Variants in SLC6A11 observed in about 807,000 individuals in gnomAD.
SLC6A11 encodes the protein solute carrier family 6 member 11.
In SLC6A11, 25 loss-of-function variants were observed where a neutral mutation model predicts 74.8. That is an observed-to-expected ratio of 0.33 (90% confidence interval 0.24 to 0.47). SLC6A11 has a LOEUF of 0.47. SLC6A11 is among the 20% of genes least tolerant of loss of function. The probability of loss-of-function intolerance (pLI) is 1.00; values close to 1 mark genes in which losing one functional copy is unlikely to be tolerated. For synonymous variants in SLC6A11, 330 were observed against 330.2 expected, an observed-to-expected ratio of 1.00 and a Z score of 0.01; for missense variants, 574 against 837.0, an observed-to-expected ratio of 0.69 and a Z score of 3.88.
At chr3:10,896,882 G>A (rs1304144014) in intron 6 of SLC6A11, among the ~76,000 whole-genome samples, 1 of 152,162 alleles carries the variant, frequency 6.6e-6, no homozygotes, top group East Asian at 1.9e-4. Flanking sequence ...ACATGTATTA[G>A]TCCATATTCA....
At chr3:10,854,984 G>A (rs927175548) in intron 5 of SLC6A11, among the ~76,000 whole-genome samples, 2 of 151,888 alleles carry the variant, frequency 1.3e-5, no homozygotes, top group South Asian at 2.1e-4. Flanking sequence ...TGGGTAAGTC[G>A]ATGGATGGGT....
chr3:10,906,158 G>A (rs1489011503), intron 6 of SLC6A11, among the ~76,000 whole-genome samples: 1 of 152,030 alleles, frequency 6.6e-6, no homozygotes, highest in Non-Finnish European at 1.5e-5. Context: ...ATATTGCTCA[G>A]ATCTGGGTAT....
At chr3:10,826,393 T>C (rs1313727740) in intron 4 of SLC6A11, among the ~76,000 whole-genome samples, 1 of 152,222 alleles carries the variant, frequency 6.6e-6, no homozygotes, top group Non-Finnish European at 1.5e-5. Flanking sequence ...GAGACTTGTA[T>C]TGGACCTGCA....
chr3:10,879,908 A>G (rs1413783297), intron 6 of SLC6A11, among the ~76,000 whole-genome samples: 1 of 152,182 alleles, frequency 6.6e-6, no homozygotes. Context: ...TTCAGATTAG[A>G]CATACTCAAC....
At chr3:10,863,846 G>A (rs1223716072) in intron 5 of SLC6A11, among the ~76,000 whole-genome samples, 1 of 152,092 alleles carries the variant, frequency 6.6e-6, no homozygotes, top group Non-Finnish European at 1.5e-5. Flanking sequence ...TGGCTCATAG[G>A]GGAACTCAAA....
At chr3:10,866,171 G>A (rs1313489989) in intron 5 of SLC6A11, among the ~76,000 whole-genome samples, 2 of 152,172 alleles carry the variant, frequency 1.3e-5, no homozygotes. Context: ...GCCTAAGATG[G>A]CCCAAGACTG....
At chr3:10,883,857 T>TGG (rs1311126046) in intron 6 of SLC6A11, among the ~76,000 whole-genome samples, 4 of 151,932 alleles carry the variant, frequency 2.6e-5, no homozygotes, top group Admixed American at 6.6e-5. Context: ...CTCACTGAGG[T>TGG]GGGGGCCACT....
intron 5 of SLC6A11, among the ~76,000 whole-genome samples, chr3:10,849,406 G>A (rs1339205480): frequency 6.6e-6 from 1 of 152,082 alleles, no homozygotes; most frequent in East Asian, 1.9e-4. Context: ...CCTGTCACCA[G>A]CTCCTTCTCC....
intron 1 of SLC6A11, among the ~76,000 whole-genome samples, chr3:10,817,971 C>CT (rs1238771755): frequency 1.3e-5 from 2 of 151,770 alleles, no homozygotes; most frequent in Non-Finnish European, 2.9e-5. Flanking sequence ...GTTTTAACAT[C>CT]TTTTTTTTCC....
intron 6 of SLC6A11, among the ~76,000 whole-genome samples, chr3:10,896,042 C>A (rs1695167472): frequency 6.6e-6 from 1 of 152,226 alleles, no homozygotes; most frequent in Admixed American, 6.5e-5. Flanking sequence ...GCCCCAAGGC[C>A]CGGTTCCTTA....
At chr3:10,905,427 G>C (rs2106622389) in intron 6 of SLC6A11, among the ~76,000 whole-genome samples, 1 of 152,320 alleles carries the variant, frequency 6.6e-6, no homozygotes, top group East Asian at 1.9e-4. Flanking sequence ...GTGTCATAAA[G>C]GAAAAACACT....
At chr3:10,911,044 C>A (rs1447828209) in intron 6 of SLC6A11, among the ~76,000 whole-genome samples, 1 of 151,978 alleles carries the variant, frequency 6.6e-6, no homozygotes, top group Non-Finnish European at 1.5e-5. Context: ...CTGCTCTCAC[C>A]CCCTCCTGAC....
chr3:10,852,560 TG>T (rs1694589601), intron 5 of SLC6A11, among the ~76,000 whole-genome samples: 1 of 152,180 alleles, frequency 6.6e-6, no homozygotes, highest in South Asian at 2.1e-4. Flanking sequence ...GATTGCTGGG[TG>T]GGAGGGGGTT....
rs559283511 is a variant in SLC6A11 at position 10,820,133 on chromosome 3, G to C, written c.532+281G>C. Among the ~76,000 whole-genome samples, 9 of 152,286 alleles carry C rather than the reference G, an allele frequency of 5.9e-5. No homozygotes were observed. The East Asian group carries it at 1.7e-3, about 29-fold the overall frequency. On this transcript the variant is annotated intron_variant, in intron 3 of 13. Coordinates refer to ENST00000254488, the MANE Select transcript of SLC6A11 (RefSeq NM_014229.3). Reference sequence around the variant, plus strand: ...TCAAATGCAGAGACTGAGCCCTTTGGGGGCAGGATGGGGGTGTGAGGAAGA... The same window carrying C: ...TCAAATGCAGAGACTGAGCCCTTTGCGGGCAGGATGGGGGTGTGAGGAAGA...
rs1296128027 is a variant in SLC6A11, at chr3:10,939,077, T to C, written c.*675T>C. The stretch of plus-strand genomic sequence containing the variant: ...TGGGTTATTTCTTAGGGATTCTCTT[T>C]GTGTGCCTTGCTGGCTTCCAGACCT... On this transcript the variant is annotated 3_prime_UTR_variant, in exon 14 of 14. Coordinates refer to ENST00000254488, the MANE Select transcript of SLC6A11 (RefSeq NM_014229.3). The C allele has an allele frequency of 6.6e-6, 1 of 152,246 alleles. No homozygotes were observed. The highest frequency in any genetic ancestry group is 2.4e-5 in the African/African-American group (1 of 41,448). 9.4% of individuals were successfully genotyped at this position (152,246 alleles called of 1,614,324 possible). A position where few individuals can be genotyped will look rare whatever the true frequency, so the allele number is the denominator to read the frequency against.
intron 9 of SLC6A11, among the ~76,000 whole-genome samples, chr3:10,927,542 C>T (rs992126457): frequency 2.6e-5 from 4 of 152,324 alleles, no homozygotes; most frequent in East Asian, 1.9e-4. Context: ...CGGTCGTGTA[C>T]CCGGGCCCGT....
chr3:10,880,714 G>A (rs1168144567), intron 6 of SLC6A11, among the ~76,000 whole-genome samples: 1 of 152,146 alleles, frequency 6.6e-6, no homozygotes, highest in South Asian at 2.1e-4. Flanking sequence ...GCCAGGAGGG[G>A]GTGAAATGAG....
intron 6 of SLC6A11, among the ~76,000 whole-genome samples, chr3:10,885,597 T>TAAA (rs35167441): frequency 2.2e-5 from 3 of 138,508 alleles, no homozygotes; most frequent in Non-Finnish European, 4.8e-5. Flanking sequence ...GCCCCCATGA[T>TAAA]AAAAAAAAAA....
At chr3:10,933,393 T>A in intron 11 of SLC6A11, 140 bp downstream of exon 11, 1 of 658,396 alleles carries the variant, frequency 1.5e-6, no homozygotes, top group Non-Finnish European at 2.7e-6. Flanking sequence ...AGGGATTCCT[T>A]GGCCTTTTCC....
Sources: allele counts gnomAD v4.1 joint callset (sites outside exome capture counted in the v4.1 genomes callset), GRCh38; gene constraint gnomAD v4.1.1; transcripts MANE v1.5; gene names NCBI Gene and HGNC (gene_info 2026-07-23, HGNC 2026-07-21).